Variants in OPRM1 observed in about 807,000 individuals in gnomAD.
OPRM1 encodes opioid receptor mu 1.
A neutral mutation model predicts 31.8 loss-of-function variants in OPRM1; 27 were observed. The observed-to-expected ratio is 0.85, with a 90% CI of 0.63 to 1.17. The LOEUF (loss-of-function observed/expected upper bound fraction) is 1.17, where lower values mean the gene tolerates loss of function less well. Among genes scored for constraint, OPRM1 ranks in the 50% most tolerant of loss-of-function variants. The pLI, the probability that OPRM1 is intolerant of heterozygous loss-of-function variation, is 0.00. For synonymous variants in OPRM1, 196 were observed against 189.9 expected (o/e 1.03, Z -0.26); for missense variants, 536 against 511.1 (o/e 1.05, Z -0.47).
chr6:154,168,941 A>G lies in OPRM1; in HGVS notation c.1164+77469A>G, dbSNP rs566461285. 1.3e-5 allele frequency among the ~76,000 whole-genome samples: 2 copies of G among 152,142 alleles called. No individual in the cohort carries two copies. The highest frequency in any genetic ancestry group is 2.1e-4 in the South Asian group (1 of 4,802). ...ATTTTAGAGGGACACAATTCAACCC[A>G]TACATAGTCCACCCTCCGGCCTCCT... On this transcript the variant is annotated intron_variant, in intron 3 of 3. Coordinates refer to the OPRM1 transcript ENST00000337049. The surrounding 1 kb of genome is among the most constrained non-coding windows in gnomAD (Gnocchi z 4.1).
chr6:154,085,316 C>T (rs1790269265), intron 1 of OPRM1, among the ~76,000 whole-genome samples: 1 of 152,192 alleles, frequency 6.6e-6, no homozygotes, highest in African/African-American at 2.4e-5. Flanking sequence ...TTTTCCCCAA[C>T]ACTTCTGGAA....
chr6:154,138,539 C>T (rs1031589128), intron 3 of OPRM1, among the ~76,000 whole-genome samples: 14 of 152,158 alleles, frequency 9.2e-5, no homozygotes, highest in African/African-American at 2.6e-4. Flanking sequence ...ATGTGTTTGC[C>T]GGGAAGGAGC....
intron 3 of OPRM1, among the ~76,000 whole-genome samples, chr6:154,163,168 A>T (rs990300373): frequency 2.6e-5 from 4 of 152,178 alleles, no homozygotes; most frequent in Admixed American, 6.5e-5. Flanking sequence ...TGCAATGGCA[A>T]TGAGATCCTC....
At chr6:154,212,802 G>C in intron 3 of OPRM1, 1 of 1,613,612 alleles carries the variant, frequency 6.2e-7, no homozygotes, top group Non-Finnish European at 8.5e-7. Flanking sequence ...TGAGGAGGGG[G>C]TGGTGTCTCC....
chr6:154,033,616 T>G (rs911151976), intron 1 of OPRM1, among the ~76,000 whole-genome samples: 3 of 152,166 alleles, frequency 2.0e-5, no homozygotes, highest in African/African-American at 7.2e-5. Context: ...ACTTTTTTTG[T>G]GAGTATTGAA....
chr6:154,229,228 TA>T (rs1307248179), intron 3 of OPRM1, among the ~76,000 whole-genome samples: 1 of 152,114 alleles, frequency 6.6e-6, no homozygotes, highest in African/African-American at 2.4e-5. Context: ...AGGTGTGGAA[TA>T]AATACATGTG....
At chr6:154,198,372 G>C (rs893702790) in intron 3 of OPRM1, among the ~76,000 whole-genome samples, 2 of 152,044 alleles carry the variant, frequency 1.3e-5, no homozygotes, top group Non-Finnish European at 2.9e-5. Flanking sequence ...CAGTGACAAG[G>C]TTTCCTTTCT....
chr6:154,211,689 T>C (rs112910885), intron 3 of OPRM1, among the ~76,000 whole-genome samples: 4 of 152,160 alleles, frequency 2.6e-5, no homozygotes, highest in African/African-American at 4.8e-5. Flanking sequence ...CAAAGAGAAA[T>C]TGTGGAACAG....
intron 1 of OPRM1, among the ~76,000 whole-genome samples, chr6:154,016,820 C>T (rs190539842): frequency 1.1e-3 from 163 of 152,258 alleles, no homozygotes; most frequent in African/African-American, 3.8e-3. Context: ...CAGTATACAG[C>T]AGAAAGAGAC....
intron 3 of OPRM1, among the ~76,000 whole-genome samples, chr6:154,160,209 T>C (rs1363119464): frequency 6.6e-6 from 1 of 152,224 alleles, no homozygotes; most frequent in Non-Finnish European, 1.5e-5. Context: ...CGACATTTGT[T>C]TGCATACGCT....
chr6:154,203,464 G>A (rs1415188614), intron 3 of OPRM1, among the ~76,000 whole-genome samples: 2 of 152,170 alleles, frequency 1.3e-5, no homozygotes, highest in African/African-American at 4.8e-5. Context: ...AATAAATACA[G>A]TCAGCCTTCT....
Position 154,232,969 on chromosome 6 carries a change from CT to C in OPRM1, c.1165-13708del, listed in dbSNP as rs780567029. On this transcript the variant is annotated intron_variant, in intron 3 of 3. Transcript: ENST00000337049. ...ATGTAAAATAAGCCTTTTTTCTTTT[CT>C]TTTTTTTTTTTTTTTGAGATGGAGT... Among the ~76,000 whole-genome samples the C allele has an allele frequency of 1.5e-3, 206 of 134,552 alleles. No homozygotes were observed. The Middle Eastern group carries it at 0.016, about 11-fold the overall frequency. The allele number at this position is 134,552 out of a possible 152,430, so 88.3% of individuals were successfully genotyped here.
chr6:154,017,215 G>A (rs148376866), intron 1 of OPRM1, among the ~76,000 whole-genome samples: 3 of 152,136 alleles, frequency 2.0e-5, no homozygotes, highest in Non-Finnish European at 2.9e-5. Context: ...GGGAATTTGT[G>A]TTTTTACTCT....
intron 3 of OPRM1, among the ~76,000 whole-genome samples, chr6:154,218,416 C>G (rs984922936): frequency 1.5e-4 from 23 of 152,320 alleles, no homozygotes; most frequent in African/African-American, 5.3e-4. Context: ...AACTTAATTA[C>G]ATTTCCCTTC....
intron 1 of OPRM1, among the ~76,000 whole-genome samples, chr6:154,023,565 C>G (rs1778512864): frequency 6.6e-6 from 1 of 152,142 alleles, no homozygotes; most frequent in South Asian, 2.1e-4. Flanking sequence ...ATTGCTCTAG[C>G]AAGTACTTCC....
At chr6:154,191,257 T>C (rs1801854439) in intron 3 of OPRM1, among the ~76,000 whole-genome samples, 2 of 152,090 alleles carry the variant, frequency 1.3e-5, no homozygotes, top group African/African-American at 2.4e-5. Context: ...GAAGGATGAA[T>C]AGATGGAGCA....
chr6:154,214,190 A>T (rs370223002), intron 3 of OPRM1: 17 of 1,483,026 alleles, frequency 1.1e-5, no homozygotes, highest in Non-Finnish European at 1.5e-5. Context: ...TTCTTGCTAA[A>T]TTTTCAGAAA....
intron 3 of OPRM1, among the ~76,000 whole-genome samples, chr6:154,171,422 C>T (rs1331456343): frequency 6.6e-6 from 1 of 151,782 alleles, no homozygotes; most frequent in African/African-American, 2.4e-5. Context: ...TTAGATGAAC[C>T]CACAGAGACA....
chr6:154,040,279 G>T (rs1184651834), intron 1 of OPRM1, among the ~76,000 whole-genome samples: 1 of 152,140 alleles, frequency 6.6e-6, no homozygotes, highest in East Asian at 1.9e-4. Flanking sequence ...GTGTGTGTGT[G>T]TGTGGCGGGG....
Sources: gnomAD v4.1 joint callset for allele counts (sites outside exome capture counted in the v4.1 genomes callset) on GRCh38, gnomAD v4.1.1 for gene constraint, Gnocchi (gnomAD v3.1) non-coding constraint, MANE v1.5 for transcripts, NCBI Gene and HGNC (gene_info 2026-07-23, HGNC 2026-07-21) for gene names.